PDGFB: variants seen among roughly 807,000 people sequenced by gnomAD.
PDGFB encodes the protein platelet-derived growth factor subunit B.
A neutral mutation model predicts 29.0 loss-of-function variants in PDGFB; 6 were observed. The ratio of observed to expected loss-of-function variants is 0.21; its 90% confidence interval spans 0.11 to 0.41. PDGFB has a LOEUF of 0.41. Ranked by LOEUF, PDGFB falls within the 10% of genes least tolerant of loss-of-function variation. The pLI is 1.00. For missense variants in PDGFB, 299 were observed against 341.8 expected, an observed-to-expected ratio of 0.87 and a Z score of 0.99; for synonymous variants, 144 against 140.8, an observed-to-expected ratio of 1.02 and a Z score of -0.16.
Position 39,239,562 on chromosome 22 carries a change from C to T in PDGFB, c.64-3688G>A, listed in dbSNP as rs531529661. On this transcript the variant is annotated intron_variant, in intron 1 of 6. Transcript: ENST00000331163. ...TTTTCCTGGGCACAGGTTCCGCAGG[C>T]CTCCAGGTGGACAGCTCACTTCAGA... Among the ~76,000 whole-genome samples, 10 of 152,240 alleles carry T rather than the reference C, an allele frequency of 6.6e-5. No homozygotes were observed. The East Asian group carries it at 1.9e-3, about 29-fold the overall frequency.
rs918633564 is a variant in PDGFB at position 39,223,855 on chromosome 22, G to A, written c.*1487C>T. 1 of 152,454 alleles carries A rather than the reference G, an allele frequency of 6.6e-6. No homozygotes were observed. Among genetic ancestry groups the A allele is most frequent in the African/African-American group, 2.4e-5 (1 of 41,462 alleles). The allele number at this position is 152,454 out of a possible 1,614,324, so 9.4% of individuals were successfully genotyped here. ...GGGGGAAAGTGCAGTAGGTGGGAAG[G>A]GAGGTGGGAGCTCAGATCCCACCCC... is the stretch of plus-strand genomic sequence containing the variant. On this transcript the variant is annotated 3_prime_UTR_variant, in exon 7 of 7. Coordinates refer to ENST00000331163, the MANE Select transcript of PDGFB (RefSeq NM_002608.4).
chr22:39,238,140 A>G (rs1003744673), intron 1 of PDGFB, among the ~76,000 whole-genome samples: 55 of 152,332 alleles, frequency 3.6e-4, no homozygotes, highest in East Asian at 1.9e-4. Flanking sequence ...CCCACGACAC[A>G]TAGGAGATGC....
In PDGFB at chr22:39,244,677, C is replaced by T; in HGVS notation, c.-714G>A. The T allele has an allele frequency of 5.8e-6, 1 of 173,474 alleles. No homozygotes were observed. The highest frequency in any genetic ancestry group is 9.5e-5 in the East Asian group (1 of 10,488). 10.7% of individuals were successfully genotyped at this position (173,474 alleles called of 1,614,324 possible). A position where few individuals can be genotyped will look rare whatever the true frequency, so the allele number is the denominator to read the frequency against. On this transcript the variant is annotated 5_prime_UTR_variant, in exon 1 of 7. Transcript: ENST00000331163. The surrounding 1 kb of genome is among the most constrained non-coding windows in gnomAD (Gnocchi z 4.5). ...GCCGACAGGTGGACGCGGCGCGAGT[C>T]CGTCGGTCCGTCTGCCCGCCCGCTC...
At chr22:39,240,922 C>CGT (rs762931476) in intron 1 of PDGFB, 9 of 1,171,308 alleles carry the variant, frequency 7.7e-6, no homozygotes, top group African/African-American at 6.5e-5. Context: ...CTCAGATGCG[C>CGT]ACACACACAC....
chr22:39,240,976 A>G (rs1044247826), intron 1 of PDGFB: 49 of 1,307,658 alleles, frequency 3.7e-5, no homozygotes, highest in Admixed American at 8.8e-5. Flanking sequence ...CTCTTGCACC[A>G]GATCCTCCAA....
At position 39,225,569 on chromosome 22, in the gene PDGFB, G is replaced by C. The variant is rs1932144416; in HGVS notation, c.*28+126C>G. On this transcript the variant is annotated intron_variant, in intron 6 of 6. Coordinates refer to ENST00000331163, the MANE Select transcript of PDGFB (RefSeq NM_002608.4). ...CCCACCCTGCCCCAGCTGATAACTG[G>C]ACAGGGAGGACCAAGGCTCAGAGGC... 3 of 932,164 alleles carry C rather than the reference G, an allele frequency of 3.2e-6. No homozygotes were observed. In the Admixed American group the frequency reaches 8.4e-5, roughly 26 times the overall value. 57.7% of individuals were successfully genotyped at this position (932,164 alleles called of 1,614,324 possible).
chr22:39,225,956 G>A, intron 5 of PDGFB, 109 bp from the exon 6 acceptor site: 1 of 1,303,008 alleles, frequency 7.7e-7, no homozygotes, highest in Non-Finnish European at 1.0e-6. Context: ...GGGACAGGAG[G>A]GGAATCTGGA....
rs920457070 is a variant in PDGFB, at chr22:39,244,924, G to C, written c.-961C>G. ...GGAGCCCTAGGGAGGCAGCGGGGGA[G>C]GCTGCGGGTGCGCAGGGAGGCAGGC... On this transcript the variant is annotated 5_prime_UTR_variant, in exon 1 of 7. Coordinates refer to ENST00000331163, the MANE Select transcript of PDGFB (RefSeq NM_002608.4). This position sits in a 1 kb window ranked among gnomAD's most constrained non-coding sequence, Gnocchi z 4.5. Among the ~76,000 whole-genome samples the C allele has an allele frequency of 3.3e-5, 5 of 152,046 alleles. No individual in the cohort carries two copies. Among genetic ancestry groups the C allele is most frequent in the African/African-American group, 1.2e-4 (5 of 41,414 alleles).
rs1932620606 is a variant in PDGFB at position 39,243,491 on chromosome 22, G to A, written c.63+410C>T. ...CAAGCTTGCACCTCCTGGGCAAGCC[G>A]ATGGCAGGACAGAGCCTAAGCCGAG... On this transcript the variant is annotated intron_variant, in intron 1 of 6. Transcript: ENST00000331163. This position sits in a 1 kb window ranked among gnomAD's most constrained non-coding sequence, Gnocchi z 6.4. Among the ~76,000 whole-genome samples the A allele has an allele frequency of 6.6e-6, 1 of 152,206 alleles. No individual in the cohort carries two copies. The highest frequency in any genetic ancestry group is 1.5e-5 in the Non-Finnish European group (1 of 68,028).
At position 39,243,488 on chromosome 22, in the gene PDGFB, G is replaced by A. The variant is rs1932620534; in HGVS notation, c.63+413C>T. Among the ~76,000 whole-genome samples, 1 of 152,186 alleles carries A rather than the reference G, an allele frequency of 6.6e-6. No homozygotes were observed. Among genetic ancestry groups the A allele is most frequent in the Non-Finnish European group, 1.5e-5 (1 of 68,016 alleles). On this transcript the variant is annotated intron_variant, in intron 1 of 6. Transcript: ENST00000331163. This position sits in a 1 kb window ranked among gnomAD's most constrained non-coding sequence, Gnocchi z 6.4. ...GCGCAAGCTTGCACCTCCTGGGCAA[G>A]CCGATGGCAGGACAGAGCCTAAGCC...
chr22:39,225,539 C>T (rs1286872348), intron 6 of PDGFB, among the ~76,000 whole-genome samples, 156 bp downstream of exon 6: 1 of 152,096 alleles, frequency 6.6e-6, no homozygotes, highest in Non-Finnish European at 1.5e-5. Context: ...CTCCAAAGCC[C>T]ACCACCCACC....
rs568768203 is a variant in PDGFB at position 39,237,933 on chromosome 22, G to A, written c.64-2059C>T. Among the ~76,000 whole-genome samples the A allele has an allele frequency of 2.0e-5, 3 of 152,368 alleles. No individual in the cohort carries two copies. In the South Asian group the frequency reaches 6.2e-4, roughly 32 times the overall value. On this transcript the variant is annotated intron_variant, in intron 1 of 6. Transcript: ENST00000331163. Reference sequence around the variant, plus strand: ...CTAGCCAGGCCTCCCTGGATCACTGGCAGAAGGAGAACAAGAAGCGTTTGT... The same window carrying A: ...CTAGCCAGGCCTCCCTGGATCACTGACAGAAGGAGAACAAGAAGCGTTTGT...
In PDGFB at chr22:39,239,548, A is replaced by T. The variant is rs564411642; in HGVS notation, c.64-3674T>A. The stretch of plus-strand genomic sequence containing the variant: ...CGCCCGGAGCCTGGTTTTCCTGGGC[A>T]CAGGTTCCGCAGGCCTCCAGGTGGA... On this transcript the variant is annotated intron_variant, in intron 1 of 6. Transcript: ENST00000331163. Among the ~76,000 whole-genome samples, 3 of 152,266 alleles carry T rather than the reference A, an allele frequency of 2.0e-5. No individual in the cohort carries two copies. In the South Asian group the frequency reaches 6.2e-4, roughly 32 times the overall value.
intron 5 of PDGFB, among the ~76,000 whole-genome samples, chr22:39,227,443 G>C (rs548685365): frequency 6.6e-6 from 1 of 152,234 alleles, no homozygotes; most frequent in Non-Finnish European, 1.5e-5. Flanking sequence ...GCCTCCTAGC[G>C]TTAGGAGACA....
chr22:39,238,320 A>T (rs1932492948), intron 1 of PDGFB, among the ~76,000 whole-genome samples: 1 of 152,066 alleles, frequency 6.6e-6, no homozygotes. Context: ...CACCTGGGAT[A>T]TTCTTCCCCA....
intron 6 of PDGFB, 131 bp downstream of exon 6, chr22:39,225,564 A>C: frequency 1.1e-6 from 1 of 870,060 alleles, no homozygotes; most frequent in Non-Finnish European, 1.7e-6. Context: ...CCCAGCTGAT[A>C]ACTGGACAGG....
chr22:39,240,634 C>G (rs569974563), intron 1 of PDGFB, among the ~76,000 whole-genome samples: 4 of 152,298 alleles, frequency 2.6e-5, no homozygotes, highest in African/African-American at 7.2e-5. Context: ...CCCACCAACC[C>G]AGCACTAACT....
At chr22:39,235,274 A>C (rs1293971812) in intron 2 of PDGFB, among the ~76,000 whole-genome samples, 1 of 152,134 alleles carries the variant, frequency 6.6e-6, no homozygotes, top group Non-Finnish European at 1.5e-5. Flanking sequence ...TTATAAATAC[A>C]TTGTCAATCC....
In PDGFB at chr22:39,243,561, C is replaced by G. The variant is rs368066142; in HGVS notation, c.63+340G>C. ...CGGGAGGACGCGCTGCCTTCTGCAC[C>G]CTGGGCACCACCCCACCCCCTCTCC... On this transcript the variant is annotated intron_variant, in intron 1 of 6. Transcript: ENST00000331163. This position sits in a 1 kb window ranked among gnomAD's most constrained non-coding sequence, Gnocchi z 6.4. Among the ~76,000 whole-genome samples, 1 of 152,178 alleles carries G rather than the reference C, an allele frequency of 6.6e-6. No individual in the cohort carries two copies. The highest frequency in any genetic ancestry group is 1.5e-5 in the Non-Finnish European group (1 of 68,026).
Sources: gnomAD v4.1 joint callset for allele counts (sites outside exome capture counted in the v4.1 genomes callset) on GRCh38, gnomAD v4.1.1 for gene constraint, Gnocchi (gnomAD v3.1) non-coding constraint, MANE v1.5 for transcripts, NCBI Gene and HGNC (gene_info 2026-07-23, HGNC 2026-07-21) for gene names.